The following DCAF5 variants were observed in gnomAD, a reference collection of about 807,000 sequenced individuals.
DCAF5 encodes the protein DDB1- and CUL4-associated factor 5.
In DCAF5, 9 loss-of-function variants were observed where a neutral mutation model predicts 80.7. That is an observed-to-expected ratio of 0.11 (90% CI 0.07 to 0.19). DCAF5 has a LOEUF of 0.19. DCAF5 is among the 10% of genes least tolerant of loss of function. DCAF5 has a pLI of 1.00. For missense variants in DCAF5, 842 were observed against 1,205.7 expected (o/e 0.70, Z 4.47); for synonymous variants, 433 against 461.9 (o/e 0.94, Z 0.80).
At chr14:69,107,792 G>C (rs1437578859) in intron 5 of DCAF5, among the ~76,000 whole-genome samples, 1 of 152,192 alleles carries the variant, frequency 6.6e-6, no homozygotes, top group African/African-American at 2.4e-5. Flanking sequence ...AGTTAGCTTT[G>C]AAAGTATTTT....
At chr14:69,058,380 G>A (rs1052470847) in intron 8 of DCAF5, among the ~76,000 whole-genome samples, 9 of 151,976 alleles carry the variant, frequency 5.9e-5, no homozygotes, top group Non-Finnish European at 8.8e-5. Flanking sequence ...TTAGCTGGGC[G>A]TGGTGACAGG....
At chr14:69,070,375 A>G (rs894121444) in intron 7 of DCAF5, among the ~76,000 whole-genome samples, 3 of 152,260 alleles carry the variant, frequency 2.0e-5, no homozygotes, top group African/African-American at 7.2e-5. Flanking sequence ...CTTACTATAC[A>G]TAGCAATAAC....
chr14:69,058,383 G>A (rs761386187), intron 8 of DCAF5, among the ~76,000 whole-genome samples: 3 of 152,060 alleles, frequency 2.0e-5, no homozygotes, highest in Non-Finnish European at 4.4e-5. Context: ...GCTGGGCGTG[G>A]TGACAGGTGC....
intron 7 of DCAF5, among the ~76,000 whole-genome samples, chr14:69,071,269 T>G (rs905963996): frequency 6.6e-6 from 1 of 152,184 alleles, no homozygotes; most frequent in Admixed American, 6.5e-5. Flanking sequence ...TAGTATTGTT[T>G]ATACAGTAAA....
At chr14:69,116,913 G>A (rs1161676672) in intron 4 of DCAF5, among the ~76,000 whole-genome samples, 1 of 152,052 alleles carries the variant, frequency 6.6e-6, no homozygotes, top group Non-Finnish European at 1.5e-5. Flanking sequence ...TTTAAACCAT[G>A]CACAGATTTG....
At chr14:69,099,300 A>AC (rs2039867597) in intron 5 of DCAF5, among the ~76,000 whole-genome samples, 14 of 145,150 alleles carry the variant, frequency 9.6e-5, no homozygotes, top group South Asian at 2.2e-4. Context: ...ACACACACAC[A>AC]ACTAACAAAG....
chr14:69,113,329 C>A (rs145170788), intron 5 of DCAF5, among the ~76,000 whole-genome samples: 3 of 152,260 alleles, frequency 2.0e-5, no homozygotes, highest in Non-Finnish European at 2.9e-5. Context: ...TGATAAGGAA[C>A]CACAACAGGT....
At chr14:69,107,990 CTTT>C (rs2040223709) in intron 5 of DCAF5, among the ~76,000 whole-genome samples, 1 of 152,210 alleles carries the variant, frequency 6.6e-6, no homozygotes, top group Non-Finnish European at 1.5e-5. Context: ...CAAATGCCTC[CTTT>C]CTGTGAAGCA....
chr14:69,135,530 T>C (rs1353078686), intron 1 of DCAF5, among the ~76,000 whole-genome samples: 1 of 152,222 alleles, frequency 6.6e-6, no homozygotes, highest in Non-Finnish European at 1.5e-5. Context: ...GGCTGCTTTT[T>C]TCATGAATAA....
chr14:69,115,630 C>G (rs1166654904), intron 5 of DCAF5, among the ~76,000 whole-genome samples: 2 of 152,152 alleles, frequency 1.3e-5, no homozygotes, highest in Non-Finnish European at 2.9e-5. Context: ...GTCCCTCCCC[C>G]ATGGGACTTA....
At chr14:69,076,800 C>T (rs986381570) in intron 6 of DCAF5, among the ~76,000 whole-genome samples, 2 of 152,098 alleles carry the variant, frequency 1.3e-5, no homozygotes, top group African/African-American at 2.4e-5. Context: ...TATTTTACCA[C>T]AATTAAAAAA....
chr14:69,072,104 C>T (rs577248130), intron 7 of DCAF5, among the ~76,000 whole-genome samples: 4 of 152,272 alleles, frequency 2.6e-5, no homozygotes, highest in Non-Finnish European at 5.9e-5. Context: ...AGCCCCATTT[C>T]CCTATTTGGC....
intron 7 of DCAF5, among the ~76,000 whole-genome samples, chr14:69,069,443 T>A (rs1223597629): frequency 6.6e-6 from 1 of 151,984 alleles, no homozygotes; most frequent in Admixed American, 6.6e-5. Flanking sequence ...AAAAGGTGAG[T>A]TTAAAAAGGG....
chr14:69,130,808 T>C (rs2041018604), intron 1 of DCAF5, among the ~76,000 whole-genome samples: 1 of 152,180 alleles, frequency 6.6e-6, no homozygotes, highest in South Asian at 2.1e-4. Flanking sequence ...GCAGCAAAGA[T>C]GGTGCTATAG....
At chr14:69,117,865 ACTT>A (rs1402901928) in intron 4 of DCAF5, among the ~76,000 whole-genome samples, 1 of 152,150 alleles carries the variant, frequency 6.6e-6, no homozygotes, top group Non-Finnish European at 1.5e-5. Context: ...CAGCACCACA[ACTT>A]CTGCTCCTTG....
intron 1 of DCAF5, among the ~76,000 whole-genome samples, chr14:69,148,222 A>G (rs1294336010): frequency 6.6e-6 from 1 of 152,156 alleles, no homozygotes; most frequent in Non-Finnish European, 1.5e-5. Context: ...CAAAGACCTA[A>G]AGGGTAAACC....
chr14:69,139,714 G>A (rs192358950), intron 1 of DCAF5, among the ~76,000 whole-genome samples: 2 of 151,998 alleles, frequency 1.3e-5, no homozygotes, highest in East Asian at 3.9e-4. Context: ...TACTCAGGAG[G>A]CTGAGGCAGG....
At chr14:69,107,580 T>C (rs988636966) in intron 5 of DCAF5, among the ~76,000 whole-genome samples, 5 of 152,044 alleles carry the variant, frequency 3.3e-5, no homozygotes, top group Admixed American at 6.6e-5. Context: ...GCAAAACTGA[T>C]TCTACACCTC....
At chr14:69,066,661 C>G (rs2038457087) in intron 7 of DCAF5, among the ~76,000 whole-genome samples, 1 of 152,190 alleles carries the variant, frequency 6.6e-6, no homozygotes. Context: ...AAACACCTTG[C>G]TCAAAATTCA....
Sources: allele counts gnomAD v4.1 joint callset (sites outside exome capture counted in the v4.1 genomes callset), GRCh38; gene constraint gnomAD v4.1.1; transcripts MANE v1.5; gene names NCBI Gene and HGNC (gene_info 2026-07-23, HGNC 2026-07-21).